The following SGMS1 variants were observed in gnomAD, a reference collection of about 807,000 sequenced individuals.
SGMS1 encodes sphingomyelin synthase 1.
Under a neutral mutation model 46.2 loss-of-function variants are expected in SGMS1, and 13 were observed. The ratio of observed to expected loss-of-function variants is 0.28; its 90% CI spans 0.18 to 0.45. The LOEUF (loss-of-function observed/expected upper bound fraction) is 0.45, where lower values mean the gene tolerates loss of function less well. Among genes scored for constraint, SGMS1 ranks in the 20% least tolerant of loss-of-function variants. The probability of loss-of-function intolerance (pLI) is 1.00; values close to 1 mark genes in which losing one functional copy is unlikely to be tolerated. For missense variants in SGMS1, 324 were observed against 519.9 expected (o/e 0.62, Z 3.66); for synonymous variants, 203 against 187.8 (o/e 1.08, Z -0.66).
intron 1 of SGMS1, among the ~76,000 whole-genome samples, chr10:50,593,957 CA>C (rs1444906456): frequency 6.6e-6 from 1 of 152,164 alleles, no homozygotes; most frequent in African/African-American, 2.4e-5. Context: ...AGAATTTCTC[CA>C]GGGTATATAC....
chr10:50,491,726 T>C (rs1837569722), intron 3 of SGMS1, among the ~76,000 whole-genome samples: 1 of 152,174 alleles, frequency 6.6e-6, no homozygotes, highest in African/African-American at 2.4e-5. Flanking sequence ...CACAGCTGAA[T>C]TCTACCAGAG....
intron 2 of SGMS1, among the ~76,000 whole-genome samples, chr10:50,552,311 A>G (rs1838155531): frequency 6.6e-6 from 1 of 152,254 alleles, no homozygotes; most frequent in African/African-American, 2.4e-5. Context: ...CAAAAGACTA[A>G]CAGGCAACAA....
intron 6 of SGMS1, among the ~76,000 whole-genome samples, chr10:50,370,415 AT>A (rs920053764): frequency 3.4e-5 from 5 of 148,748 alleles, no homozygotes; most frequent in African/African-American, 7.4e-5. Flanking sequence ...TTAAATTTTA[AT>A]TTTTTTTTTA....
At chr10:50,564,954 C>G (rs1838275427) in intron 2 of SGMS1, among the ~76,000 whole-genome samples, 3 of 152,160 alleles carry the variant, frequency 2.0e-5, no homozygotes, top group African/African-American at 7.2e-5. Flanking sequence ...CCACCATTCT[C>G]AGCTGGCTGC....
Position 50,308,161 on chromosome 10 carries a change from G to A in SGMS1, c.896-13C>T. ...CGCCGAGGGGAATCTGAAAGGGGGA[G>A]AGATTTGCAATAGTCCCATTATTCA... On this transcript the variant is annotated splice_polypyrimidine_tract_variant and intron_variant, in intron 9 of 10. Transcript: ENST00000361781. 2 of 1,610,592 alleles carry A rather than the reference G, an allele frequency of 1.2e-6. No individual in the cohort carries two copies. The highest frequency in any genetic ancestry group is 1.7e-4 in the Middle Eastern group (1 of 6,042).
intron 6 of SGMS1, among the ~76,000 whole-genome samples, chr10:50,357,948 T>C (rs1446587168): frequency 6.6e-6 from 1 of 152,158 alleles, no homozygotes; most frequent in African/African-American, 2.4e-5. Flanking sequence ...CTTAGACTTA[T>C]AGTGAACCAA....
intron 3 of SGMS1, among the ~76,000 whole-genome samples, chr10:50,484,180 C>A (rs945390912): frequency 6.6e-6 from 1 of 151,880 alleles, no homozygotes; most frequent in East Asian, 1.9e-4. Context: ...AGAGAAGAAT[C>A]AACTAGACAA....
Position 50,458,107 on chromosome 10 carries a change from G to A in SGMS1, c.-313+2566C>T, listed in dbSNP as rs139156534. Among the ~76,000 whole-genome samples, 230 of 152,284 alleles carry A rather than the reference G, an allele frequency of 1.5e-3. 5 individuals carry two copies. The East Asian group carries it at 0.041, about 27-fold the overall frequency. ...ATTGCCACTATCCTGATAAAACCTC[G>A]TTGATGAACAACACCAAGCCCATCT... is the stretch of plus-strand genomic sequence containing the variant. On this transcript the variant is annotated intron_variant, in intron 5 of 10. Transcript: ENST00000361781.
intron 3 of SGMS1, among the ~76,000 whole-genome samples, chr10:50,501,467 C>A (rs539620168): frequency 6.6e-6 from 1 of 152,086 alleles, no homozygotes; most frequent in Non-Finnish European, 1.5e-5. Flanking sequence ...TGGTGAAATA[C>A]GTTTGATTTT....
intron 6 of SGMS1, among the ~76,000 whole-genome samples, chr10:50,401,369 T>C (rs1848938178): frequency 6.6e-6 from 1 of 152,240 alleles, no homozygotes; most frequent in Non-Finnish European, 1.5e-5. Flanking sequence ...TTAAAAACTC[T>C]TTGATGGAGA....
At chr10:50,474,411 C>G (rs1210692522) in intron 3 of SGMS1, among the ~76,000 whole-genome samples, 1 of 152,100 alleles carries the variant, frequency 6.6e-6, no homozygotes, top group African/African-American at 2.4e-5. Flanking sequence ...TTATTAGACC[C>G]TCTCTCTAAG....
chr10:50,603,075 T>C (rs1213535469), intron 1 of SGMS1, among the ~76,000 whole-genome samples: 3 of 152,206 alleles, frequency 2.0e-5, no homozygotes, highest in African/African-American at 7.2e-5. Flanking sequence ...AATGATAAAA[T>C]AAAATACCAG....
At chr10:50,474,526 G>A (rs1427344227) in intron 3 of SGMS1, among the ~76,000 whole-genome samples, 2 of 151,996 alleles carry the variant, frequency 1.3e-5, no homozygotes, top group African/African-American at 2.4e-5. Flanking sequence ...CATTACCTTG[G>A]CTGTCACATG....
intron 6 of SGMS1, among the ~76,000 whole-genome samples, chr10:50,414,878 C>A (rs537415423): frequency 6.6e-6 from 1 of 152,252 alleles, no homozygotes; most frequent in Non-Finnish European, 1.5e-5. Flanking sequence ...CGCCACTGAT[C>A]ATCCCTCTTT....
At chr10:50,379,253 C>CA (rs1168735759) in intron 6 of SGMS1, among the ~76,000 whole-genome samples, 3 of 152,092 alleles carry the variant, frequency 2.0e-5, no homozygotes. Context: ...ACACAATTTC[C>CA]AAAAGCACCT....
chr10:50,544,312 C>T (rs971915397), intron 2 of SGMS1, among the ~76,000 whole-genome samples: 6 of 152,126 alleles, frequency 3.9e-5, no homozygotes, highest in East Asian at 1.9e-4. Flanking sequence ...CAGGGAGACA[C>T]GGAGGATATG....
chr10:50,455,077 C>T (rs1837174627), intron 5 of SGMS1, among the ~76,000 whole-genome samples: 1 of 152,124 alleles, frequency 6.6e-6, no homozygotes, highest in Non-Finnish European at 1.5e-5. Flanking sequence ...GCCCTGCTCA[C>T]TATTGTGTTC....
chr10:50,584,707 G>C (rs1168920933), intron 2 of SGMS1, among the ~76,000 whole-genome samples: 2 of 152,140 alleles, frequency 1.3e-5, no homozygotes, highest in African/African-American at 4.8e-5. Flanking sequence ...GTGACAAATA[G>C]CATCCCATTT....
intron 3 of SGMS1, among the ~76,000 whole-genome samples, chr10:50,508,612 C>T (rs1287019609): frequency 4.6e-5 from 7 of 152,188 alleles, no homozygotes; most frequent in African/African-American, 4.8e-5. Context: ...GGATCTCCAA[C>T]AGCGGAGTTT....
Sources: gnomAD v4.1 joint callset for allele counts (sites outside exome capture counted in the v4.1 genomes callset) on GRCh38, gnomAD v4.1.1 for gene constraint, MANE v1.5 for transcripts, NCBI Gene and HGNC (gene_info 2026-07-23, HGNC 2026-07-21) for gene names.